Variants in MYO9A observed in about 807,000 individuals in gnomAD.
MYO9A encodes unconventional myosin-IXa.
In MYO9A, 103 loss-of-function variants were observed where a neutral mutation model predicts 293.3. The ratio of observed to expected loss-of-function variants is 0.35; its 90% CI spans 0.30 to 0.41. MYO9A has a LOEUF of 0.41. Among genes scored for constraint, MYO9A ranks in the 10% least tolerant of loss-of-function variants. The pLI is 1.00. For missense variants in MYO9A, 2,685 were observed against 3,033.0 expected, an observed-to-expected ratio of 0.89 and a Z score of 2.69; for synonymous variants, 1,001 against 1,035.7, an observed-to-expected ratio of 0.97 and a Z score of 0.64.
At chr15:71,915,160 T>A (rs953673201) in intron 19 of MYO9A, among the ~76,000 whole-genome samples, 4 of 152,138 alleles carry the variant, frequency 2.6e-5, no homozygotes, top group African/African-American at 7.2e-5. Flanking sequence ...CAACATGATT[T>A]TTTTTTCTAT....
chr15:72,007,927 G>C lies in MYO9A; in HGVS notation c.1279C>G (p.Leu427Val), dbSNP rs769736832. The change falls in exon 8 of 42, where the codon CTA becomes GTA. Residue 427 changes from leucine to valine, a missense_variant. Physicochemically the swap from Leu to Val is conservative, Grantham distance 32. Transcript: ENST00000356056. ...RQIFSLLSAI[L>V]HLGNICYKKK... Reference sequence around the variant, plus strand: ...TTGTAACAGATATTACCCAAATGTAGTATGGCTGAGAGAAGAGAGAAAATC... The same window carrying C: ...TTGTAACAGATATTACCCAAATGTACTATGGCTGAGAGAAGAGAGAAAATC... 3 of 1,612,374 alleles carry C rather than the reference G, an allele frequency of 1.9e-6. No homozygotes were observed. In the South Asian group the frequency reaches 3.3e-5, roughly 18 times the overall value.
chr15:72,116,121 A>G (rs2080965669), intron 1 of MYO9A, among the ~76,000 whole-genome samples: 1 of 152,254 alleles, frequency 6.6e-6, no homozygotes, highest in South Asian at 2.1e-4. Flanking sequence ...GAAAGGATAC[A>G]CATGAAGCTG....
At chr15:71,949,115 T>C (rs1341685068) in intron 15 of MYO9A, among the ~76,000 whole-genome samples, 2 of 152,306 alleles carry the variant, frequency 1.3e-5, no homozygotes, top group East Asian at 1.9e-4. Flanking sequence ...TTTGACATTT[T>C]AGCAGTTTAT....
In MYO9A at chr15:71,824,191, GA is replaced by G. The variant is rs1434132463; in HGVS notation, c.*2388del. 6.6e-6 allele frequency: 1 copy of G among 152,054 alleles called. No homozygotes were observed. The highest frequency in any genetic ancestry group is 1.5e-5 in the Non-Finnish European group (1 of 68,008). The allele number at this position is 152,054 out of a possible 1,614,324, so 9.4% of individuals were successfully genotyped here. A position where few individuals can be genotyped will look rare whatever the true frequency, so the allele number is the denominator to read the frequency against. ...CTAGAAATCCACAAATCTAGCAACT[GA>G]AAAAACAAGTTTTTTTAATTGAATT... is the stretch of plus-strand genomic sequence containing the variant. On this transcript the variant is annotated 3_prime_UTR_variant, in exon 42 of 42. Transcript: ENST00000356056.
At chr15:71,830,710 GCTTGTGACCCCCACACTGA>G (rs1415469664) in intron 39 of MYO9A, among the ~76,000 whole-genome samples, 2 of 152,174 alleles carry the variant, frequency 1.3e-5, no homozygotes, top group African/African-American at 4.8e-5. Context: ...GCCACAAGTA[GCTTGTGACCCCCACACTGA>G]CTGGTACAGA....
chr15:71,971,521 C>T (rs1011291834), intron 12 of MYO9A, among the ~76,000 whole-genome samples: 3 of 151,016 alleles, frequency 2.0e-5, no homozygotes, highest in Non-Finnish European at 4.4e-5. Flanking sequence ...AAATTCAAGG[C>T]TTCAGTAAGC....
rs2149389913 is a variant in MYO9A at position 72,030,199 on chromosome 15, T to C, written c.935+2295A>G. On this transcript the variant is annotated intron_variant, in intron 3 of 41. Coordinates refer to ENST00000356056, the MANE Select transcript of MYO9A (RefSeq NM_006901.4). ...TAAATTACCAAAACAGGCTCTTACC[T>C]GTCTAAAATGGGAGAAAGGAAATTA... Among the ~76,000 whole-genome samples the C allele has an allele frequency of 2.6e-5, 4 of 152,318 alleles. No homozygotes were observed. The South Asian group carries it at 8.3e-4, about 32-fold the overall frequency.
chr15:71,984,387 T>C (rs763926949), intron 11 of MYO9A, among the ~76,000 whole-genome samples: 2 of 152,224 alleles, frequency 1.3e-5, no homozygotes, highest in Non-Finnish European at 2.9e-5. Flanking sequence ...TTTGGTTTAG[T>C]ATAATTTTCT....
chr15:71,902,819 T>G, intron 22 of MYO9A, 122 bp downstream of exon 22: 1 of 763,342 alleles, frequency 1.3e-6, no homozygotes. Context: ...AACCTGGGCC[T>G]AACCAATTGT....
chr15:72,041,577 CG>C, intron 2 of MYO9A: 1 of 345,630 alleles, frequency 2.9e-6, no homozygotes, highest in Non-Finnish European at 5.6e-6. Context: ...GTCACTTTTC[CG>C]CAAGGTTGAG....
At chr15:71,956,328 A>ATTATATATAT (rs1555490908) in intron 14 of MYO9A, among the ~76,000 whole-genome samples, 236 of 15,174 alleles carry the variant, frequency 0.016, 6 homozygotes, top group African/African-American at 0.021. Flanking sequence ...AAAAAAAAAA[A>ATTATATATAT]AAATATATAT....
At chr15:71,829,129 T>C (rs2054619965) in intron 40 of MYO9A, among the ~76,000 whole-genome samples, 2 of 152,184 alleles carry the variant, frequency 1.3e-5, no homozygotes, top group African/African-American at 2.4e-5. Flanking sequence ...AGACTGCCAA[T>C]ATCATCTGCA....
At chr15:71,839,960 T>G (rs2055085630) in intron 39 of MYO9A, among the ~76,000 whole-genome samples, 1 of 152,238 alleles carries the variant, frequency 6.6e-6, no homozygotes, top group Non-Finnish European at 1.5e-5. Context: ...TCTTTCCTTG[T>G]CTGTGTAAGA....
intron 4 of MYO9A, among the ~76,000 whole-genome samples, chr15:72,021,850 A>T (rs1453743652): frequency 6.6e-6 from 1 of 152,188 alleles, no homozygotes; most frequent in Non-Finnish European, 1.5e-5. Flanking sequence ...GAAAAATAAC[A>T]GATGAAATAT....
intron 8 of MYO9A, among the ~76,000 whole-genome samples, chr15:72,002,416 C>A (rs8025504): frequency 6.6e-6 from 1 of 151,890 alleles, no homozygotes; most frequent in Non-Finnish European, 1.5e-5. Flanking sequence ...GTTGCCCAGG[C>A]GGGTCTTGAA....
intron 1 of MYO9A, among the ~76,000 whole-genome samples, chr15:72,052,725 G>A (rs1175104902): frequency 6.6e-6 from 1 of 152,170 alleles, no homozygotes. Context: ...CCACAGCCTT[G>A]CAAGGAAGCC....
intron 1 of MYO9A, chr15:72,116,826 G>A (rs925482547): frequency 6.6e-6 from 1 of 152,190 alleles, no homozygotes; most frequent in Admixed American, 6.6e-5. Context: ...GAACAGACAA[G>A]ACGAGGTGCA....
At chr15:72,085,988 T>C (rs769892186) in intron 1 of MYO9A, among the ~76,000 whole-genome samples, 15 of 152,168 alleles carry the variant, frequency 9.9e-5, no homozygotes, top group Non-Finnish European at 2.2e-4. Flanking sequence ...GGCTCCTCAA[T>C]GTTAGGAACC....
Position 71,968,143 on chromosome 15 carries a change from G to GAAAAAAAAAAAAAAAAA in MYO9A, c.1845-19_1845-18insTTTTTTTTTTTTTTTTT. 1 of 1,525,520 alleles carries GAAAAAAAAAAAAAAAAA rather than the reference G, an allele frequency of 6.6e-7. No homozygotes were observed. Among genetic ancestry groups the GAAAAAAAAAAAAAAAAA allele is most frequent in the African/African-American group, 1.4e-5 (1 of 71,508 alleles). The allele number at this position is 1,525,520 out of a possible 1,614,324, so 94.5% of individuals were successfully genotyped here. ...GTGGAAAGCTGAATTAAAAAAAAAA[G>GAAAAAAAAAAAAAAAAA]AAAAAATATCATTACAGAAAGATGA... is the stretch of plus-strand genomic sequence containing the variant. On this transcript the variant is annotated intron_variant, in intron 12 of 41. Coordinates refer to ENST00000356056, the MANE Select transcript of MYO9A (RefSeq NM_006901.4).
Sources: allele counts gnomAD v4.1 joint callset (sites outside exome capture counted in the v4.1 genomes callset), GRCh38; gene constraint gnomAD v4.1.1; transcripts MANE v1.5; gene names NCBI Gene and HGNC (gene_info 2026-07-23, HGNC 2026-07-21).